Variants in DIAPH2 observed in about 807,000 individuals in gnomAD.
DIAPH2 encodes diaphanous related formin 2.
A neutral mutation model predicts 92.7 loss-of-function variants in DIAPH2; 35 were observed. That is an observed-to-expected ratio of 0.38 (90% CI 0.29 to 0.50). The LOEUF is 0.50. Ranked by LOEUF, DIAPH2 falls within the 20% of genes least tolerant of loss-of-function variation. The pLI, the probability that DIAPH2 is intolerant of heterozygous loss-of-function variation, is 0.94. For synonymous variants in DIAPH2, 301 were observed against 280.4 expected, an observed-to-expected ratio of 1.07 and a Z score of -0.73; for missense variants, 701 against 819.5, an observed-to-expected ratio of 0.86 and a Z score of 1.77.
At chrX:97,239,678 AC>A (rs1172273422) in intron 22 of DIAPH2, among the ~76,000 whole-genome samples, 1 of 110,847 alleles carries the variant, frequency 9.0e-6, no homozygotes, top group Non-Finnish European at 1.9e-5. Flanking sequence ...GTCATTAAAG[AC>A]CCCCTAGTTT....
intron 4 of DIAPH2, among the ~76,000 whole-genome samples, chrX:96,831,037 C>T (rs1209975973): frequency 8.9e-6 from 1 of 111,821 alleles, no homozygotes; most frequent in African/African-American, 3.3e-5. Flanking sequence ...GTTACTCTTC[C>T]CCTGGCTTAG....
chrX:97,500,763 GATATATATATATATAT>G (rs56041649), intron 26 of DIAPH2, among the ~76,000 whole-genome samples: 2,704 of 60,088 alleles, frequency 0.045, 139 homozygotes, highest in African/African-American at 0.15. Context: ...CATTCAAGGA[GATATATATATATATAT>G]ATATATATAT....
chrX:97,200,548 G>T, intron 22 of DIAPH2, among the ~76,000 whole-genome samples: 1 of 102,657 alleles, frequency 9.7e-6, no homozygotes, highest in Non-Finnish European at 2.0e-5. Context: ...GACAGGTTTG[G>T]ACTGGGCGGA....
At chrX:97,280,212 C>T (rs961005841) in intron 23 of DIAPH2, among the ~76,000 whole-genome samples, 4 of 110,767 alleles carry the variant, frequency 3.6e-5, no homozygotes, top group Non-Finnish European at 5.7e-5. Flanking sequence ...CGGTGGCTCA[C>T]GCCTGTAATC....
In DIAPH2 at chrX:97,329,891, GACACACACACACACACACAC is replaced by G. The variant is rs201851023; in HGVS notation, c.2845-18198_2845-18179del. Among the ~76,000 whole-genome samples, 7 of 79,477 alleles carry G rather than the reference GACACACACACACACACACAC, an allele frequency of 8.8e-5. No homozygotes were observed. The East Asian group carries it at 2.7e-3, about 31-fold the overall frequency. The allele number at this position is 79,477 out of a possible 115,157, so 69.0% of individuals were successfully genotyped here. A position where few individuals can be genotyped will look rare whatever the true frequency, so the allele number is the denominator to read the frequency against. ...TTTTTCTGCCCTCCCTGCATTCTTA[GACACACACACACACACACAC>G]ACACACACACACACACACACACACA... On this transcript the variant is annotated intron_variant, in intron 23 of 26. Coordinates refer to ENST00000324765, the MANE Select transcript of DIAPH2 (RefSeq NM_006729.5).
intron 17 of DIAPH2, among the ~76,000 whole-genome samples, chrX:96,976,868 G>A (rs1035419360): frequency 9.0e-6 from 1 of 111,008 alleles, no homozygotes; most frequent in Non-Finnish European, 1.9e-5. Context: ...TATCCCAAGA[G>A]CGATTATAAT....
chrX:97,537,756 T>C (rs1752143523), intron 26 of DIAPH2, among the ~76,000 whole-genome samples: 1 of 112,092 alleles, frequency 8.9e-6, no homozygotes, highest in Admixed American at 9.5e-5. Context: ...CCAGCAGCCA[T>C]GTGAATGGAC....
intron 26 of DIAPH2, among the ~76,000 whole-genome samples, chrX:97,505,300 G>A (rs2070824644): frequency 9.0e-6 from 1 of 111,695 alleles, no homozygotes; most frequent in South Asian, 3.8e-4. Flanking sequence ...CTTTCAACAA[G>A]GGGGAGTAAC....
At chrX:97,085,610 T>A (rs1235927074) in intron 19 of DIAPH2, among the ~76,000 whole-genome samples, 3 of 110,196 alleles carry the variant, frequency 2.7e-5, no homozygotes, top group African/African-American at 9.9e-5. Flanking sequence ...AGAGATGGGG[T>A]TTCGCCATGT....
At chrX:97,098,627 G>T (rs1460423891) in intron 19 of DIAPH2, among the ~76,000 whole-genome samples, 1 of 112,595 alleles carries the variant, frequency 8.9e-6, no homozygotes, top group Non-Finnish European at 1.9e-5. Context: ...GTTTCTCCAT[G>T]TTGGTCAGGC....
At chrX:97,493,694 C>T (rs772842166) in intron 26 of DIAPH2, among the ~76,000 whole-genome samples, 30 of 109,211 alleles carry the variant, frequency 2.7e-4, no homozygotes, top group Middle Eastern at 4.7e-3. Context: ...GCCTGGCCAA[C>T]GTGATGAGAC....
intron 4 of DIAPH2, among the ~76,000 whole-genome samples, chrX:96,845,408 C>T (rs1299271707): frequency 1.8e-5 from 2 of 112,280 alleles, no homozygotes; most frequent in African/African-American, 6.5e-5. Context: ...TGAAAAGAAG[C>T]AGCTATCAGT....
At chrX:97,308,167 G>A (rs1032191376) in intron 23 of DIAPH2, among the ~76,000 whole-genome samples, 1 of 111,429 alleles carries the variant, frequency 9.0e-6, no homozygotes, top group African/African-American at 3.3e-5. Context: ...TAAACACTGA[G>A]TAGTTACACA....
intron 26 of DIAPH2, among the ~76,000 whole-genome samples, chrX:97,577,244 G>A (rs371002850): frequency 3.6e-5 from 4 of 112,237 alleles, no homozygotes; most frequent in East Asian, 5.6e-4. Context: ...TGTCCTGCAC[G>A]AATATGTATA....
intron 17 of DIAPH2, among the ~76,000 whole-genome samples, chrX:97,016,019 A>G (rs2066258030): frequency 8.9e-6 from 1 of 111,918 alleles, no homozygotes; most frequent in Non-Finnish European, 1.9e-5. Flanking sequence ...AAGTAAAATG[A>G]TTATGTCAGG....
At position 97,056,872 on chromosome X, in the gene DIAPH2, A is replaced by G. The variant is rs1019610036; in HGVS notation, c.2051-16069A>G. ...ATTTGTTGTAGTGGAATGAATATGC[A>G]TTGAAAGCATAGGTTTGATCTAGGT... is the stretch of plus-strand genomic sequence containing the variant. On this transcript the variant is annotated intron_variant, in intron 17 of 26. Coordinates refer to ENST00000324765, the MANE Select transcript of DIAPH2 (RefSeq NM_006729.5). Among the ~76,000 whole-genome samples the G allele has an allele frequency of 3.6e-5, 4 of 112,073 alleles. No homozygotes were observed. In the Admixed American group the frequency reaches 3.8e-4, roughly 11 times the overall value.
intron 4 of DIAPH2, among the ~76,000 whole-genome samples, chrX:96,781,573 A>G (rs765130293): frequency 2.4e-4 from 27 of 111,641 alleles, no homozygotes; most frequent in African/African-American, 8.1e-4. Flanking sequence ...ATTTCATTAT[A>G]TAAGCATTAA....
At chrX:97,258,763 C>T (rs2068261148) in intron 23 of DIAPH2, among the ~76,000 whole-genome samples, 2 of 100,653 alleles carry the variant, frequency 2.0e-5, no homozygotes, top group East Asian at 3.3e-4. Flanking sequence ...CCCAGCTACT[C>T]GGGAGGCTGA....
chrX:97,264,190 C>T (rs1230875786), intron 23 of DIAPH2, among the ~76,000 whole-genome samples: 4 of 111,426 alleles, frequency 3.6e-5, no homozygotes, highest in African/African-American at 1.3e-4. Context: ...ATCAATTCCT[C>T]TCAGCTGCTG....
Sources: gnomAD v4.1 joint callset for allele counts (sites outside exome capture counted in the v4.1 genomes callset) on GRCh38, gnomAD v4.1.1 for gene constraint, MANE v1.5 for transcripts, NCBI Gene and HGNC (gene_info 2026-07-23, HGNC 2026-07-21) for gene names.